YARS1: variants seen among roughly 807,000 people sequenced by gnomAD.
The protein encoded by YARS1 is tyrosine--tRNA ligase, cytoplasmic.
YARS1 carries 36 observed loss-of-function variants against 62.2 expected under a neutral mutation model. The ratio of observed to expected loss-of-function variants is 0.58; its 90% confidence interval spans 0.44 to 0.76. YARS1 has a LOEUF of 0.76. YARS1 is among the 30% of genes least tolerant of loss of function. YARS1 has a pLI of 0.00. For synonymous variants in YARS1, 234 were observed against 244.9 expected (o/e 0.96, Z 0.42); for missense variants, 524 against 639.8 (o/e 0.82, Z 1.95).
At chr1:32,780,998 A>C (rs1470522756) in intron 10 of YARS1, 50 bp downstream of exon 10, 2 of 1,571,896 alleles carry the variant, frequency 1.3e-6, no homozygotes, top group Non-Finnish European at 1.8e-6. Context: ...ATGGAAACAG[A>C]CAAACCTGAC....
intron 1 of YARS1, among the ~76,000 whole-genome samples, chr1:32,815,345 G>A (rs764917579): frequency 3.3e-4 from 50 of 151,966 alleles, no homozygotes; most frequent in Non-Finnish European, 6.3e-4. Context: ...GATAAACTCC[G>A]TTCCAGAAAA....
intron 1 of YARS1, among the ~76,000 whole-genome samples, chr1:32,814,724 A>G (rs1557469403): frequency 6.6e-6 from 1 of 152,250 alleles, no homozygotes; most frequent in African/African-American, 2.4e-5. Flanking sequence ...AGCCAGAGAC[A>G]GTCTTTTAAA....
chr1:32,790,468 C>G (rs1188645723), intron 6 of YARS1, among the ~76,000 whole-genome samples: 1 of 130,464 alleles, frequency 7.7e-6, no homozygotes, highest in Non-Finnish European at 1.5e-5. Context: ...GAGCTGAGAT[C>G]GCACCACTGC....
intron 4 of YARS1, among the ~76,000 whole-genome samples, chr1:32,801,942 CTTTTTTTTTTTT>C (rs34270752): frequency 1.5e-4 from 16 of 103,888 alleles, no homozygotes; most frequent in Admixed American, 9.1e-4. Context: ...CTTGTTATTT[CTTTTTTTTTTTT>C]TTTTTTTTTT....
intron 12 of YARS1, 53 bp downstream of exon 12, chr1:32,779,329 G>A (rs1183719691): frequency 1.9e-6 from 3 of 1,613,584 alleles, no homozygotes; most frequent in Non-Finnish European, 2.5e-6. Context: ...GGACAGTCTG[G>A]GGACACAGTC....
chr1:32,781,533 A>G (rs1653056931), intron 9 of YARS1: 2 of 188,004 alleles, frequency 1.1e-5, no homozygotes. Flanking sequence ...AGGCTGGGCA[A>G]CAGAGCCAGA....
chr1:32,809,376 C>G (rs1306928535), intron 3 of YARS1, among the ~76,000 whole-genome samples: 1 of 152,142 alleles, frequency 6.6e-6, no homozygotes, highest in African/African-American at 2.4e-5. Context: ...GTGTGAGCCA[C>G]CATGGCTGGC....
intron 4 of YARS1, among the ~76,000 whole-genome samples, chr1:32,803,983 A>G (rs1638375426): frequency 3.9e-5 from 6 of 152,160 alleles, no homozygotes; most frequent in Admixed American, 3.9e-4. Flanking sequence ...TTAACAAAGC[A>G]CATCTTGCAC....
At position 32,797,256 on chromosome 1, in the gene YARS1, C is replaced by T. The variant is rs1385573432; in HGVS notation, c.591+507G>A. ...GTGTTGTGGCATGCACCTGTGGTCC[C>T]AGCTACTTGGGAGGCTGAGGTGGGA... On this transcript the variant is annotated intron_variant, in intron 5 of 12. Coordinates refer to ENST00000373477, the MANE Select transcript of YARS1 (RefSeq NM_003680.4). Among the ~76,000 whole-genome samples the T allele has an allele frequency of 5.9e-5, 9 of 151,364 alleles. No homozygotes were observed. The East Asian group carries it at 1.8e-3, about 29-fold the overall frequency.
chr1:32,782,616 C>A (rs1653097803), intron 8 of YARS1, 77 bp from the exon 9 acceptor site: 1 of 1,597,418 alleles, frequency 6.3e-7, no homozygotes, highest in South Asian at 1.1e-5. Context: ...AAAGTAGGAT[C>A]AAGGGAGTTT....
At chr1:32,809,284 C>T (rs1183936618) in intron 3 of YARS1, among the ~76,000 whole-genome samples, 2 of 152,086 alleles carry the variant, frequency 1.3e-5, no homozygotes, top group Non-Finnish European at 2.9e-5. Flanking sequence ...GATGGGGTTT[C>T]GCCATGTTGG....
At chr1:32,803,811 G>A (rs543397350) in intron 4 of YARS1, among the ~76,000 whole-genome samples, 2 of 152,030 alleles carry the variant, frequency 1.3e-5, no homozygotes, top group South Asian at 2.1e-4. Context: ...AGGGTCATAG[G>A]ACAATAGTGG....
intron 5 of YARS1, 142 bp downstream of exon 5, chr1:32,797,621 T>C (rs1653647800): frequency 1.3e-6 from 1 of 757,110 alleles, no homozygotes; most frequent in Non-Finnish European, 2.3e-6. Flanking sequence ...TCTTATCTTC[T>C]ATCCTCAGTG....
intron 1 of YARS1, among the ~76,000 whole-genome samples, chr1:32,815,616 C>T (rs1638694269): frequency 6.6e-6 from 1 of 152,174 alleles, no homozygotes; most frequent in Non-Finnish European, 1.5e-5. Flanking sequence ...CTGCTAGGTG[C>T]AAATACATGC....
In YARS1 at chr1:32,786,999, T is replaced by G; in HGVS notation, c.761A>C (p.Asn254Thr). Residue 254 changes from asparagine (N) to threonine (T), a missense_variant, in exon 7 of 13, where the codon AAT becomes ACT. Asn to Thr is a moderately conservative substitution (Grantham distance 65). Transcript: ENST00000373477. The part of the protein sequence containing the change: ...KLKKAFCEPG[N>T]VENNGVLSFI... ...GGACAGAACCCCATTGTTCTCCACA[T>G]TTCCTGGCTCACAGAAGGCCTTCTT... is the stretch of plus-strand genomic sequence containing the variant. The G allele has an allele frequency of 6.2e-7, 1 of 1,614,174 alleles. No homozygotes were observed. The highest frequency in any genetic ancestry group is 8.5e-7 in the Non-Finnish European group (1 of 1,180,024).
chr1:32,803,747 T>C (rs1638366743), intron 4 of YARS1, among the ~76,000 whole-genome samples: 1 of 152,196 alleles, frequency 6.6e-6, no homozygotes, highest in Non-Finnish European at 1.5e-5. Flanking sequence ...ACTTTTTTTT[T>C]TTAATAGTAT....
At chr1:32,796,995 A>AATATAT (rs869089598) in intron 5 of YARS1, among the ~76,000 whole-genome samples, 2 of 20,554 alleles carry the variant, frequency 9.7e-5, no homozygotes, top group African/African-American at 2.5e-4. Flanking sequence ...AAAAAAAAAA[A>AATATAT]ATATATATAT....
chr1:32,780,791 C>T, intron 10 of YARS1: 1 of 534,228 alleles, frequency 1.9e-6, no homozygotes, highest in Non-Finnish European at 3.4e-6. Flanking sequence ...TCTATCAGAC[C>T]AGATTTAACA....
chr1:32,781,949 G>A (rs1653072580), intron 9 of YARS1: 1 of 182,204 alleles, frequency 5.5e-6, no homozygotes, highest in Non-Finnish European at 1.2e-5. Context: ...AAGTAGCTGG[G>A]ACTACAGGCA....
Sources: gnomAD v4.1 joint callset for allele counts (sites outside exome capture counted in the v4.1 genomes callset) on GRCh38, gnomAD v4.1.1 for gene constraint, MANE v1.5 for transcripts, NCBI Gene and HGNC (gene_info 2026-07-23, HGNC 2026-07-21) for gene names.